The following MBP variants were observed in gnomAD, a reference collection of about 807,000 sequenced individuals.
MBP encodes the protein Golli-MBP.
A neutral mutation model predicts 35.8 loss-of-function variants in MBP; 16 were observed. The ratio of observed to expected loss-of-function variants is 0.45; its 90% CI spans 0.30 to 0.68. The LOEUF (loss-of-function observed/expected upper bound fraction) is 0.68, where lower values mean the gene tolerates loss of function less well. MBP is among the 30% of genes least tolerant of loss of function. The pLI, the probability that MBP is intolerant of heterozygous loss-of-function variation, is 0.08. For synonymous variants in MBP, 143 were observed against 159.6 expected, an observed-to-expected ratio of 0.90 and a Z score of 0.78; for missense variants, 380 against 404.7, an observed-to-expected ratio of 0.94 and a Z score of 0.52.
intron 2 of MBP, among the ~76,000 whole-genome samples, chr18:77,104,268 G>A (rs1219712773): frequency 6.6e-6 from 1 of 152,204 alleles, no homozygotes; most frequent in African/African-American, 2.4e-5. Context: ...TGTAGAGCCC[G>A]GAGAGCTTTG....
At chr18:77,061,744 T>C (rs1568319397) in intron 3 of MBP, among the ~76,000 whole-genome samples, 1 of 152,224 alleles carries the variant, frequency 6.6e-6, no homozygotes, top group Non-Finnish European at 1.5e-5. Context: ...TGGTGTTTTT[T>C]CCTACTGTCA....
At chr18:77,009,152 C>T (rs996259178) in intron 4 of MBP, among the ~76,000 whole-genome samples, 2 of 152,246 alleles carry the variant, frequency 1.3e-5, no homozygotes, top group African/African-American at 4.8e-5. Flanking sequence ...GTGCAAACGG[C>T]AGCCCTGCTC....
At chr18:77,083,246 C>T (rs1256048481) in intron 2 of MBP, among the ~76,000 whole-genome samples, 2 of 152,150 alleles carry the variant, frequency 1.3e-5, no homozygotes, top group African/African-American at 2.4e-5. Context: ...GGCTTACAGA[C>T]GTGAGCCATC....
At chr18:77,049,414 A>C (rs1485693661) in intron 3 of MBP, among the ~76,000 whole-genome samples, 1 of 152,184 alleles carries the variant, frequency 6.6e-6, no homozygotes, top group Non-Finnish European at 1.5e-5. Context: ...ACCCTAATTT[A>C]TAGTCTGTTT....
At chr18:77,010,095 G>T (rs1293401737) in intron 4 of MBP, 2 of 613,044 alleles carry the variant, frequency 3.3e-6, no homozygotes, top group African/African-American at 3.7e-5. Flanking sequence ...GAAGGCATGT[G>T]CAGATGATGG....
At chr18:77,107,903 G>A (rs1976329351) in intron 1 of MBP, among the ~76,000 whole-genome samples, 1 of 152,190 alleles carries the variant, frequency 6.6e-6, no homozygotes, top group South Asian at 2.1e-4. Flanking sequence ...GAATCACTGA[G>A]GGTTGGTTAA....
rs187771492 is a variant in MBP at position 76,990,959 on chromosome 18, G to A, written c.577-899C>T. The A allele has an allele frequency of 7.2e-4, 190 of 263,748 alleles. 3 individuals carry two copies. In the Middle Eastern group the frequency reaches 0.011, roughly 15 times the overall value. 16.3% of individuals were successfully genotyped at this position (263,748 alleles called of 1,614,324 possible). A position where few individuals can be genotyped will look rare whatever the true frequency, so the allele number is the denominator to read the frequency against. On this transcript the variant is annotated intron_variant, in intron 4 of 8. Coordinates refer to ENST00000355994, the MANE Select transcript of MBP (RefSeq NM_001025101.2). ...TAGAGGGGAAGTGACGGTAATTCAA[G>A]GGGGATTCCATCTGAGATAGGGTCA...
At chr18:77,063,308 A>G (rs995840293) in intron 3 of MBP, among the ~76,000 whole-genome samples, 2 of 152,192 alleles carry the variant, frequency 1.3e-5, no homozygotes, top group Non-Finnish European at 2.9e-5. Flanking sequence ...CAAAAGCCCC[A>G]CAGTTCAACA....
chr18:77,063,950 C>T (rs1263159359), intron 3 of MBP, among the ~76,000 whole-genome samples: 3 of 151,612 alleles, frequency 2.0e-5, no homozygotes, highest in Admixed American at 6.6e-5. Context: ...GTAACAGAAC[C>T]GCTGCCATCG....
At position 77,078,370 on chromosome 18, in the gene MBP, T is replaced by C. The variant is rs73489060; in HGVS notation, c.52-11985A>G. On this transcript the variant is annotated intron_variant, in intron 2 of 8. Transcript: ENST00000355994. ...TCTCCCAGGTTTCTTGCTGTCTGAT[T>C]ACCCAATTCCCAGGAATGAAGGAAG... Among the ~76,000 whole-genome samples, 154 of 152,326 alleles carry C rather than the reference T, an allele frequency of 1.0e-3. 1 individual carries two copies. Among genetic ancestry groups the C allele is most frequent in the African/African-American group, 3.6e-3 (150 of 41,580 alleles).
chr18:77,092,010 A>AT (rs1325265429), intron 2 of MBP, among the ~76,000 whole-genome samples: 1 of 152,204 alleles, frequency 6.6e-6, no homozygotes, highest in African/African-American at 2.4e-5. Context: ...TGAAAGCTGG[A>AT]TTTTTTAGGT....
intron 3 of MBP, among the ~76,000 whole-genome samples, chr18:77,027,017 T>C (rs553133037): frequency 2.0e-5 from 3 of 152,346 alleles, no homozygotes; most frequent in African/African-American, 7.2e-5. Context: ...AGTGGAGGCT[T>C]AGCCTGCCGT....
At chr18:77,029,504 TG>T (rs1334076458) in intron 3 of MBP, among the ~76,000 whole-genome samples, 2 of 150,152 alleles carry the variant, frequency 1.3e-5, no homozygotes, top group East Asian at 4.1e-4. Context: ...TTTGCAGAGA[TG>T]GGGTCTTGCC....
At chr18:77,100,320 T>C (rs1975946513) in intron 2 of MBP, among the ~76,000 whole-genome samples, 1 of 152,212 alleles carries the variant, frequency 6.6e-6, no homozygotes, top group Non-Finnish European at 1.5e-5. Flanking sequence ...CCTTGGCACC[T>C]TGCTGTCAGA....
At chr18:77,068,997 C>A in intron 2 of MBP, 1 of 483,714 alleles carries the variant, frequency 2.1e-6, no homozygotes, top group Non-Finnish European at 4.1e-6. Flanking sequence ...TGACCTCACC[C>A]CCATGGCTTC....
Position 77,079,033 on chromosome 18 carries a change from G to A in MBP, c.52-12648C>T, listed in dbSNP as rs907298876. On this transcript the variant is annotated intron_variant, in intron 2 of 8. Coordinates refer to ENST00000355994, the MANE Select transcript of MBP (RefSeq NM_001025101.2). Reference sequence around the variant, plus strand: ...CAGGAGAGGAGACTTGAAAGCAGGAGTGTCCCACAGGAGGGCACATCATCC... The same window carrying A: ...CAGGAGAGGAGACTTGAAAGCAGGAATGTCCCACAGGAGGGCACATCATCC... Among the ~76,000 whole-genome samples the A allele has an allele frequency of 5.9e-5, 9 of 152,218 alleles. 1 individual carries two copies. Among genetic ancestry groups the A allele is most frequent in the African/African-American group, 2.2e-4 (9 of 41,464 alleles).
intron 8 of MBP, 62 bp from the exon 9 acceptor site, chr18:76,980,533 C>T: frequency 7.5e-7 from 1 of 1,326,814 alleles, no homozygotes; most frequent in Non-Finnish European, 1.1e-6. Flanking sequence ...CACCAGCATC[C>T]CCTCTTCTGT....
At chr18:77,089,817 G>A (rs985749336) in intron 2 of MBP, among the ~76,000 whole-genome samples, 4 of 152,220 alleles carry the variant, frequency 2.6e-5, no homozygotes, top group Non-Finnish European at 4.4e-5. Context: ...TCTGCAGGAG[G>A]TGATGAGAAG....
In MBP at chr18:76,980,393, A is replaced by G; in HGVS notation, c.*34T>C. Reference sequence around the variant, plus strand: ...AAGTTTTAAGGCAGTTATATTAAGAAGCTGAGGACAGGATTCCGGAACCAG... The same window carrying G: ...AAGTTTTAAGGCAGTTATATTAAGAGGCTGAGGACAGGATTCCGGAACCAG... On this transcript the variant is annotated 3_prime_UTR_variant, in exon 9 of 9. Transcript: ENST00000355994. 6.3e-7 allele frequency: 1 copy of G among 1,599,410 alleles called. No individual in the cohort carries two copies. Among genetic ancestry groups the G allele is most frequent in the East Asian group, 2.2e-5 (1 of 44,800 alleles).
Sources: gnomAD v4.1 joint callset for allele counts (sites outside exome capture counted in the v4.1 genomes callset) on GRCh38, gnomAD v4.1.1 for gene constraint, MANE v1.5 for transcripts, NCBI Gene and HGNC (gene_info 2026-07-23, HGNC 2026-07-21) for gene names.